EGFLAM: variants seen among roughly 807,000 people sequenced by gnomAD.
EGFLAM encodes EGF like, fibronectin type III and laminin G domains.
A neutral mutation model predicts 113.1 loss-of-function variants in EGFLAM; 79 were observed. The ratio of observed to expected loss-of-function variants is 0.70; its 90% CI spans 0.58 to 0.84. The LOEUF (loss-of-function observed/expected upper bound fraction) is 0.84, where lower values mean the gene tolerates loss of function less well. Among genes scored for constraint, EGFLAM ranks in the 40% least tolerant of loss-of-function variants. EGFLAM has a pLI of 0.00. For missense variants in EGFLAM, 1,265 were observed against 1,291.6 expected, an observed-to-expected ratio of 0.98 and a Z score of 0.32; for synonymous variants, 504 against 487.6, an observed-to-expected ratio of 1.03 and a Z score of -0.44.
rs144447164 is a variant in EGFLAM, at chr5:38,307,025, A to G, written c.98-30495A>G. Among the ~76,000 whole-genome samples, 733 of 152,292 alleles carry G rather than the reference A, an allele frequency of 4.8e-3. 8 individuals are homozygous for G. Among genetic ancestry groups the G allele is most frequent in the African/African-American group, 0.017 (701 of 41,568 alleles). On this transcript the variant is annotated intron_variant, in intron 1 of 21. Transcript: ENST00000322350. The stretch of plus-strand genomic sequence containing the variant: ...CCAACTGCACTAGTGCCTAGTCCCC[A>G]GTGTGGGTAAGTCATCTTGGAAGTG...
intron 6 of EGFLAM, among the ~76,000 whole-genome samples, chr5:38,392,784 T>G (rs144844140): frequency 0.039 from 6,012 of 152,266 alleles, 388 homozygotes; most frequent in African/African-American, 0.13. Context: ...GCTGCACCCA[T>G]TAACTCATCA....
At chr5:38,424,357 A>G (rs1434161963) in intron 12 of EGFLAM, among the ~76,000 whole-genome samples, 1 of 152,140 alleles carries the variant, frequency 6.6e-6, no homozygotes, top group Non-Finnish European at 1.5e-5. Context: ...TCAGGGTGTA[A>G]CTTTGGAAGT....
At chr5:38,269,824 G>A (rs1757725634) in intron 1 of EGFLAM, among the ~76,000 whole-genome samples, 1 of 152,132 alleles carries the variant, frequency 6.6e-6, no homozygotes, top group African/African-American at 2.4e-5. Context: ...TTCTAAAAAT[G>A]ATCTCATTTG....
rs563103277 is a variant in EGFLAM at position 38,322,259 on chromosome 5, C to T, written c.98-15261C>T. Among the ~76,000 whole-genome samples, 5 of 152,334 alleles carry T rather than the reference C, an allele frequency of 3.3e-5. No individual in the cohort carries two copies. The East Asian group carries it at 5.8e-4, about 18-fold the overall frequency. ...AGCACAGTTCACCCTCAGAAGGACACGCCCAGGGACAAGGCCACTGAGGAC... is the reference window on the plus strand; with the variant it reads ...AGCACAGTTCACCCTCAGAAGGACATGCCCAGGGACAAGGCCACTGAGGAC... On this transcript the variant is annotated intron_variant, in intron 1 of 21. Transcript: ENST00000322350.
intron 14 of EGFLAM, among the ~76,000 whole-genome samples, chr5:38,427,724 T>A (rs1271926024): frequency 6.6e-6 from 1 of 152,230 alleles, no homozygotes; most frequent in Non-Finnish European, 1.5e-5. Flanking sequence ...ATATTCACTT[T>A]CCTCTTGAAC....
intron 1 of EGFLAM, among the ~76,000 whole-genome samples, chr5:38,290,135 G>A (rs1758276614): frequency 6.6e-6 from 1 of 152,122 alleles, no homozygotes; most frequent in Non-Finnish European, 1.5e-5. Flanking sequence ...GCCCAAGGAA[G>A]GGTCGGGGTA....
chr5:38,430,064 C>G (rs3110989), intron 14 of EGFLAM: 27,229 of 226,754 alleles, frequency 0.12, 5,337 homozygotes, highest in African/African-American at 0.48. Flanking sequence ...GGCAATCTGA[C>G]GTGCCATCAT....
At chr5:38,286,313 T>G (rs1189914029) in intron 1 of EGFLAM, 1 of 152,012 alleles carries the variant, frequency 6.6e-6, no homozygotes, top group Non-Finnish European at 1.5e-5. Context: ...TGGGCTGGAG[T>G]CTTTTTCTTG....
intron 1 of EGFLAM, among the ~76,000 whole-genome samples, chr5:38,260,524 T>C (rs2111674061): frequency 6.6e-6 from 1 of 152,332 alleles, no homozygotes; most frequent in South Asian, 2.1e-4. Context: ...CATTCTGATA[T>C]TCATGCCAGG....
chr5:38,458,227 C>T (rs1420197036), intron 19 of EGFLAM, 84 bp from the exon 20 acceptor site: 9 of 1,266,822 alleles, frequency 7.1e-6, no homozygotes, highest in East Asian at 2.5e-5. Flanking sequence ...AGAACTTTTG[C>T]CCTGAGAATC....
chr5:38,282,853 G>GT (rs541442786), intron 1 of EGFLAM, among the ~76,000 whole-genome samples: 388 of 152,086 alleles, frequency 2.6e-3, no homozygotes, highest in Non-Finnish European at 4.0e-3. Flanking sequence ...TTGCTTGTTT[G>GT]TTTTTTTCTG....
intron 1 of EGFLAM, among the ~76,000 whole-genome samples, chr5:38,265,053 A>G (rs1377006797): frequency 1.3e-5 from 2 of 152,200 alleles, no homozygotes; most frequent in Non-Finnish European, 2.9e-5. Context: ...AGAGGAGTCA[A>G]GGTCAGGAGT....
chr5:38,292,621 G>A (rs1384177737), intron 1 of EGFLAM, among the ~76,000 whole-genome samples: 1 of 152,018 alleles, frequency 6.6e-6, no homozygotes, highest in African/African-American at 2.4e-5. Context: ...TATACTAAAG[G>A]GATAGTACCC....
chr5:38,438,337 G>T lies in EGFLAM; in HGVS notation c.2346G>T (p.Glu782Asp), dbSNP rs777595766. The T allele has an allele frequency of 3.1e-6, 5 of 1,614,012 alleles. No individual in the cohort carries two copies. The African/African-American group carries it at 6.7e-5, about 22-fold the overall frequency. ...ACTTCACCTCCGGAGTGAATGTGGA[G>T]AATGCGGCCCACCCCTGTGTGAGAG... ...KHDFTSGVNV[E>D]NAAHPCVRAP... The change falls in exon 17 of 22, where the codon GAG (glutamate) becomes GAT (aspartate). Residue 782 changes from glutamate (E) to aspartate (D), a missense_variant. Transcript: ENST00000322350.
chr5:38,373,750 T>C (rs1414905487), intron 6 of EGFLAM, among the ~76,000 whole-genome samples: 1 of 152,202 alleles, frequency 6.6e-6, no homozygotes, highest in African/African-American at 2.4e-5. Context: ...TTTCATATAA[T>C]GATTTCTTTT....
chr5:38,404,513 G>A (rs559789163), intron 6 of EGFLAM, among the ~76,000 whole-genome samples: 3 of 152,234 alleles, frequency 2.0e-5, no homozygotes, highest in Non-Finnish European at 2.9e-5. Context: ...TGGTACTTTT[G>A]TTGTAGCAGC....
intron 1 of EGFLAM, among the ~76,000 whole-genome samples, chr5:38,320,965 G>C (rs1234414054): frequency 6.6e-6 from 1 of 152,112 alleles, no homozygotes; most frequent in East Asian, 1.9e-4. Flanking sequence ...TTGACACCAG[G>C]GGCTGGTTTC....
At chr5:38,298,149 T>C (rs958931498) in intron 1 of EGFLAM, among the ~76,000 whole-genome samples, 2 of 152,174 alleles carry the variant, frequency 1.3e-5, no homozygotes, top group African/African-American at 4.8e-5. Flanking sequence ...GGGGAGATGG[T>C]TTTCTGACAT....
chr5:38,444,521 C>T (rs567587276), intron 17 of EGFLAM, among the ~76,000 whole-genome samples: 1 of 152,318 alleles, frequency 6.6e-6, no homozygotes, highest in African/African-American at 2.4e-5. Context: ...GCTAATTACC[C>T]TGATCTGATT....
Sources: allele counts gnomAD v4.1 joint callset (sites outside exome capture counted in the v4.1 genomes callset), GRCh38; gene constraint gnomAD v4.1.1; transcripts MANE v1.5; gene names NCBI Gene and HGNC (gene_info 2026-07-23, HGNC 2026-07-21).